The following TSHZ3 variants were observed in gnomAD, a reference collection of about 807,000 sequenced individuals.
TSHZ3 encodes the protein teashirt homolog 3.
A neutral mutation model predicts 64.5 loss-of-function variants in TSHZ3; 10 were observed. The ratio of observed to expected loss-of-function variants is 0.16; its 90% confidence interval spans 0.10 to 0.26. The LOEUF (loss-of-function observed/expected upper bound fraction) is 0.26, where lower values mean the gene tolerates loss of function less well. Ranked by LOEUF, TSHZ3 falls within the 10% of genes least tolerant of loss-of-function variation. TSHZ3 has a pLI of 1.00. For synonymous variants in TSHZ3, 608 were observed against 593.1 expected (o/e 1.03, Z -0.36); for missense variants, 1,242 against 1,421.7 (o/e 0.87, Z 2.03).
At chr19:31,200,517 GA>G (rs2145149016) in intron 5 of TSHZ3, among the ~76,000 whole-genome samples, 1 of 152,122 alleles carries the variant, frequency 6.6e-6, no homozygotes, top group South Asian at 2.1e-4. Context: ...TGACATTCTG[GA>G]AAAGGCAAAA....
At chr19:31,168,565 G>A (rs749708480) in intron 5 of TSHZ3, among the ~76,000 whole-genome samples, 2 of 152,232 alleles carry the variant, frequency 1.3e-5, no homozygotes, top group African/African-American at 2.4e-5. Flanking sequence ...CATAGGCTCT[G>A]AAGATTGAAG....
intron 1 of TSHZ3, among the ~76,000 whole-genome samples, chr19:31,312,918 G>A (rs181156562): frequency 6.6e-6 from 1 of 152,150 alleles, no homozygotes; most frequent in Non-Finnish European, 1.5e-5. Context: ...TTGATTTCAC[G>A]GCGTTTATTT....
At chr19:31,232,630 A>C (rs1401645535) in intron 3 of TSHZ3, among the ~76,000 whole-genome samples, 1 of 152,240 alleles carries the variant, frequency 6.6e-6, no homozygotes, top group Non-Finnish European at 1.5e-5. Flanking sequence ...GTACACACTC[A>C]TGCAACCACC....
chr19:31,225,670 G>A (rs1326716656), intron 4 of TSHZ3, among the ~76,000 whole-genome samples: 1 of 152,194 alleles, frequency 6.6e-6, no homozygotes, highest in East Asian at 1.9e-4. Context: ...TCCTTCCTGA[G>A]GGGCCTTTTC....
chr19:31,250,849 G>T (rs1975830120), intron 1 of TSHZ3, among the ~76,000 whole-genome samples: 1 of 152,162 alleles, frequency 6.6e-6, no homozygotes, highest in Non-Finnish European at 1.5e-5. Context: ...AGGAATGGCT[G>T]CCCTGGCTAG....
chr19:31,265,944 C>A (rs939488156), intron 1 of TSHZ3, among the ~76,000 whole-genome samples: 1 of 152,200 alleles, frequency 6.6e-6, no homozygotes, highest in African/African-American at 2.4e-5. Flanking sequence ...ACTACAGTCA[C>A]ATGAGCCCAA....
chr19:31,268,168 T>C (rs1412781816), intron 1 of TSHZ3, among the ~76,000 whole-genome samples: 3 of 152,206 alleles, frequency 2.0e-5, no homozygotes, highest in Admixed American at 6.5e-5. Flanking sequence ...TGCTCTTTCT[T>C]CATCTTCCTC....
intron 5 of TSHZ3, among the ~76,000 whole-genome samples, chr19:31,204,551 T>C (rs1220870117): frequency 6.6e-6 from 1 of 152,224 alleles, no homozygotes; most frequent in Non-Finnish European, 1.5e-5. Flanking sequence ...TGCTTGTACC[T>C]CCTTACACTT....
chr19:31,175,646 G>C (rs1974596599), intron 5 of TSHZ3, among the ~76,000 whole-genome samples: 2 of 152,194 alleles, frequency 1.3e-5, no homozygotes, highest in South Asian at 4.1e-4. Context: ...CATCCTAGTG[G>C]GGAGAAGGAG....
At chr19:31,306,064 T>C (rs1916281248) in intron 1 of TSHZ3, among the ~76,000 whole-genome samples, 1 of 152,212 alleles carries the variant, frequency 6.6e-6, no homozygotes, top group Non-Finnish European at 1.5e-5. Context: ...GTAGGCGCTT[T>C]TTTGGAATGG....
At chr19:31,318,649 A>G (rs1916675116) in intron 1 of TSHZ3, among the ~76,000 whole-genome samples, 1 of 152,184 alleles carries the variant, frequency 6.6e-6, no homozygotes, top group Non-Finnish European at 1.5e-5. Context: ...TGAATAAAAG[A>G]ACAAAAAAAA....
intron 4 of TSHZ3, among the ~76,000 whole-genome samples, chr19:31,222,638 C>A (rs1290304552): frequency 1.3e-5 from 2 of 152,178 alleles, no homozygotes; most frequent in East Asian, 3.9e-4. Flanking sequence ...GCTTCAGTTT[C>A]TTTTCTGTAT....
At chr19:31,202,485 A>T (rs112669282) in intron 5 of TSHZ3, among the ~76,000 whole-genome samples, 5 of 152,126 alleles carry the variant, frequency 3.3e-5, no homozygotes, top group Admixed American at 2.6e-4. Context: ...ATTTAAAAAG[A>T]GTTCTACTCC....
intron 3 of TSHZ3, among the ~76,000 whole-genome samples, chr19:31,235,354 C>G (rs1975592461): frequency 6.6e-6 from 1 of 152,140 alleles, no homozygotes; most frequent in Non-Finnish European, 1.5e-5. Flanking sequence ...CATTTCCCCC[C>G]AACCCCAACC....
chr19:31,319,128 T>C (rs1916691211), intron 1 of TSHZ3, among the ~76,000 whole-genome samples: 1 of 152,242 alleles, frequency 6.6e-6, no homozygotes, highest in African/African-American at 2.4e-5. Context: ...AAAAGCCACC[T>C]AGTTCATTCC....
At chr19:31,195,626 G>A (rs1012102893) in intron 5 of TSHZ3, 1 of 151,926 alleles carries the variant, frequency 6.6e-6, no homozygotes, top group African/African-American at 2.4e-5. Flanking sequence ...AAGTGCTTTA[G>A]AGAGCAGGGA....
chr19:31,271,665 T>TCA (rs1396118480), downstream of TSHZ3, among the ~76,000 whole-genome samples: 1 of 152,148 alleles, frequency 6.6e-6, no homozygotes, highest in East Asian at 1.9e-4. Flanking sequence ...TTTTCTGTGT[T>TCA]TTCTGAGGTC....
At chr19:31,336,538 T>G (rs1917246736) in intron 1 of TSHZ3, among the ~76,000 whole-genome samples, 1 of 152,200 alleles carries the variant, frequency 6.6e-6, no homozygotes, top group Non-Finnish European at 1.5e-5. Context: ...GGAATGTCTT[T>G]CAAGCTTCCC....
At chr19:31,253,024 T>A (rs2145192904) in intron 1 of TSHZ3, among the ~76,000 whole-genome samples, 1 of 152,372 alleles carries the variant, frequency 6.6e-6, no homozygotes, top group Middle Eastern at 3.4e-3. Context: ...TAATTTTCTC[T>A]GCACATACAT....
Sources: allele counts gnomAD v4.1 joint callset (sites outside exome capture counted in the v4.1 genomes callset), GRCh38; gene constraint gnomAD v4.1.1; transcripts MANE v1.5; gene names NCBI Gene and HGNC (gene_info 2026-07-23, HGNC 2026-07-21).